Variants in LIPA observed in about 807,000 individuals in gnomAD.
The protein encoded by LIPA is lipase A, lysosomal acid type.
LIPA carries 26 observed loss-of-function variants against 40.6 expected under a neutral mutation model. That is an observed-to-expected ratio of 0.64 (90% CI 0.47 to 0.89). The LOEUF (loss-of-function observed/expected upper bound fraction) is 0.89. Ranked by LOEUF, LIPA falls within the 40% of genes least tolerant of loss-of-function variation. The pLI is 0.00. For missense variants in LIPA, 455 were observed against 479.6 expected, an observed-to-expected ratio of 0.95 and a Z score of 0.48; for synonymous variants, 188 against 168.4, an observed-to-expected ratio of 1.12 and a Z score of -0.90.
chr10:89,237,389 T>C (rs971141457), intron 3 of LIPA, among the ~76,000 whole-genome samples: 2 of 152,152 alleles, frequency 1.3e-5, no homozygotes, highest in Non-Finnish European at 2.9e-5. Flanking sequence ...TGCATATAAA[T>C]TCCTAGAGGA....
chr10:89,267,740 AAAG>A (rs1333110919), intron 1 of LIPA, among the ~76,000 whole-genome samples: 1 of 147,274 alleles, frequency 6.8e-6, no homozygotes, highest in African/African-American at 2.6e-5. Context: ...AAAAAAAAAA[AAAG>A]AAACTTAAAA....
chr10:89,288,566 G>C (rs1470385719), intron 1 of LIPA, among the ~76,000 whole-genome samples: 3 of 152,024 alleles, frequency 2.0e-5, no homozygotes, highest in Non-Finnish European at 4.4e-5. Context: ...CCCCATGACT[G>C]TATCTCTCTG....
intron 1 of LIPA, among the ~76,000 whole-genome samples, chr10:89,270,217 T>C (rs1327578356): frequency 6.6e-6 from 1 of 152,232 alleles, no homozygotes; most frequent in Admixed American, 6.5e-5. Context: ...CTGAAGCAGT[T>C]TGCTTCCACC....
intron 2 of LIPA, among the ~76,000 whole-genome samples, chr10:89,411,609 A>C (rs958520198): frequency 8.3e-4 from 127 of 152,368 alleles, no homozygotes; most frequent in Non-Finnish European, 1.3e-3. Flanking sequence ...TTTCTCAGAC[A>C]GTTTGCATGA....
At chr10:89,240,157 T>A (rs1405709092) in intron 3 of LIPA, among the ~76,000 whole-genome samples, 1 of 152,232 alleles carries the variant, frequency 6.6e-6, no homozygotes, top group African/African-American at 2.4e-5. Context: ...CTATGACATT[T>A]CTTACTTTTC....
At chr10:89,397,311 G>T (rs1016474206) in intron 2 of LIPA, among the ~76,000 whole-genome samples, 3 of 147,110 alleles carry the variant, frequency 2.0e-5, no homozygotes, top group African/African-American at 8.0e-5. Flanking sequence ...TGAAGGAAAT[G>T]TAATTTTAAT....
chr10:89,402,690 C>G (rs1361783608), intron 2 of LIPA: 1 of 1,614,162 alleles, frequency 6.2e-7, no homozygotes, highest in Admixed American at 1.7e-5. Flanking sequence ...AATGGAGTGT[C>G]CAGAAATAGA....
intron 1 of LIPA, among the ~76,000 whole-genome samples, chr10:89,266,877 TGA>T (rs1843238748): frequency 6.6e-6 from 1 of 152,238 alleles, no homozygotes. Context: ...GTAATTATTC[TGA>T]GATAGCAGCA....
At chr10:89,367,320 T>C (rs1844063716) in intron 2 of LIPA, among the ~76,000 whole-genome samples, 3 of 152,064 alleles carry the variant, frequency 2.0e-5, no homozygotes. Flanking sequence ...ACTTAAAGTA[T>C]AATAATTAAA....
At chr10:89,392,823 T>C in intron 2 of LIPA, 1 of 1,168,326 alleles carries the variant, frequency 8.6e-7, no homozygotes, top group Non-Finnish European at 1.3e-6. Context: ...GGTTTTCTAA[T>C]TCCTCGATTT....
chr10:89,274,255 T>C (rs1162280154), intron 1 of LIPA, among the ~76,000 whole-genome samples: 4 of 152,254 alleles, frequency 2.6e-5, no homozygotes, highest in Admixed American at 1.3e-4. Context: ...GAGCAAAGGA[T>C]TGCTTTCTAT....
chr10:89,403,900 GAA>G, intron 2 of LIPA: 2 of 505,200 alleles, frequency 4.0e-6, no homozygotes, highest in African/African-American at 2.0e-5. Context: ...ATGCATGTAA[GAA>G]AGAGAAATCA....
At chr10:89,299,156 T>C (rs1283927237) in intron 1 of LIPA, among the ~76,000 whole-genome samples, 1 of 151,366 alleles carries the variant, frequency 6.6e-6, no homozygotes. Flanking sequence ...ATCATAAAAA[T>C]AACCAAACTG....
At chr10:89,274,018 T>C (rs1485125329) in intron 1 of LIPA, among the ~76,000 whole-genome samples, 1 of 152,234 alleles carries the variant, frequency 6.6e-6, no homozygotes, top group East Asian at 1.9e-4. Flanking sequence ...TATTTAGCTC[T>C]TAACAGAAAA....
intron 1 of LIPA, among the ~76,000 whole-genome samples, chr10:89,290,293 A>G (rs1843366664): frequency 6.6e-6 from 1 of 151,998 alleles, no homozygotes; most frequent in Admixed American, 6.6e-5. Flanking sequence ...GCCATCACCA[A>G]TCATCCTATA....
intron 1 of LIPA, among the ~76,000 whole-genome samples, chr10:89,341,803 C>T (rs1260271356): frequency 6.6e-6 from 1 of 152,160 alleles, no homozygotes; most frequent in East Asian, 1.9e-4. Context: ...GGACCATTTC[C>T]AAACTCAAAG....
chr10:89,278,373 T>G (rs1157062068), intron 1 of LIPA: 2 of 152,238 alleles, frequency 1.3e-5, no homozygotes, highest in Admixed American at 6.5e-5. Flanking sequence ...CAGGAGGTAA[T>G]TCTCTCTGCT....
chr10:89,309,781 A>G (rs1457693735), intron 1 of LIPA, among the ~76,000 whole-genome samples: 1 of 152,256 alleles, frequency 6.6e-6, no homozygotes, highest in Non-Finnish European at 1.5e-5. Context: ...AATTATGTAC[A>G]TAGCTCCAGT....
At chr10:89,230,143 C>T (rs558516640) in intron 3 of LIPA, among the ~76,000 whole-genome samples, 18 of 152,242 alleles carry the variant, frequency 1.2e-4, no homozygotes, top group Non-Finnish European at 2.2e-4. Context: ...GCTTACCTAA[C>T]GCTGAGACCA....
Sources: gnomAD v4.1 joint callset for allele counts (sites outside exome capture counted in the v4.1 genomes callset) on GRCh38, gnomAD v4.1.1 for gene constraint, MANE v1.5 for transcripts, NCBI Gene and HGNC (gene_info 2026-07-23, HGNC 2026-07-21) for gene names.